The following C12orf42 variants were observed in gnomAD, a reference collection of about 807,000 sequenced individuals.
The protein encoded by C12orf42 is uncharacterized protein C12orf42.
C12orf42 carries 25 observed loss-of-function variants against 21.6 expected under a neutral mutation model. The observed-to-expected ratio is 1.16, with a 90% CI of 0.84 to 1.62. C12orf42 has a LOEUF of 1.62. C12orf42 is among the 40% of genes most tolerant of loss of function. The probability of loss-of-function intolerance (pLI) is 0.00; values close to 1 mark genes in which losing one functional copy is unlikely to be tolerated. For missense variants in C12orf42, 483 were observed against 459.3 expected (o/e 1.05, Z -0.47); for synonymous variants, 174 against 175.0 (o/e 0.99, Z 0.05).
intron 10 of C12orf42, among the ~76,000 whole-genome samples, chr12:103,259,896 T>C (rs1373998199): frequency 1.3e-5 from 2 of 152,210 alleles, no homozygotes; most frequent in Non-Finnish European, 2.9e-5. Context: ...TCGTTTAATG[T>C]CTGGCACATT....
chr12:103,435,223 A>G (rs1950598149), intron 2 of C12orf42, among the ~76,000 whole-genome samples: 6 of 152,168 alleles, frequency 3.9e-5, no homozygotes, highest in Admixed American at 3.9e-4. Context: ...ACAAACAGAA[A>G]GGACATCCAC....
chr12:103,275,263 T>G (rs530753820), intron 5 of C12orf42, among the ~76,000 whole-genome samples: 4 of 152,204 alleles, frequency 2.6e-5, no homozygotes, highest in South Asian at 2.1e-4. Context: ...GTTGATAGAA[T>G]TAGTAAAAAA....
At chr12:103,252,998 G>A (rs2034385778) in intron 10 of C12orf42, among the ~76,000 whole-genome samples, 1 of 152,032 alleles carries the variant, frequency 6.6e-6, no homozygotes, top group East Asian at 1.9e-4. Context: ...TGTAAGGAAG[G>A]GGTCCAGTTT....
intron 4 of C12orf42, among the ~76,000 whole-genome samples, chr12:103,279,979 A>G (rs1430378699): frequency 6.6e-6 from 1 of 152,212 alleles, no homozygotes. Flanking sequence ...TGATCAGGAA[A>G]CATTTATTGA....
At chr12:103,498,497 A>G (rs1955630030), upstream of C12orf42, among the ~76,000 whole-genome samples, 1 of 152,214 alleles carries the variant, frequency 6.6e-6, no homozygotes, top group African/African-American at 2.4e-5. Context: ...AAGGAAGAAA[A>G]TCTCCCCACT....
chr12:103,172,643 C>T, the C12orf42 span, among the ~76,000 whole-genome samples: 1 of 152,062 alleles, frequency 6.6e-6, no homozygotes, highest in East Asian at 1.9e-4. Flanking sequence ...TGTGGCAACC[C>T]CACAAAGTCC....
chr12:103,553,245 AC>A, the C12orf42 span, among the ~76,000 whole-genome samples: 5 of 152,064 alleles, frequency 3.3e-5, no homozygotes, highest in Admixed American at 2.0e-4. Flanking sequence ...GAGAGCAAAA[AC>A]CACCCCTGGT....
intron 4 of C12orf42, among the ~76,000 whole-genome samples, chr12:103,358,566 CCAGTAAATGG>C (rs2043791065): frequency 6.6e-6 from 1 of 151,844 alleles, no homozygotes; most frequent in East Asian, 1.9e-4. Flanking sequence ...ATTCTCCAAC[CCAGTAAATGG>C]CAGTACCATC....
intron 4 of C12orf42, among the ~76,000 whole-genome samples, chr12:103,344,123 C>G (rs968940777): frequency 3.3e-5 from 5 of 152,182 alleles, no homozygotes; most frequent in African/African-American, 1.2e-4. Flanking sequence ...CCTCCTACAG[C>G]TGTGCAAAAT....
At chr12:103,320,992 G>A (rs1367073336) in intron 4 of C12orf42, among the ~76,000 whole-genome samples, 1 of 152,142 alleles carries the variant, frequency 6.6e-6, no homozygotes, top group Non-Finnish European at 1.5e-5. Flanking sequence ...CTCTGTGAGT[G>A]TTCTATAGTT....
At chr12:103,216,464 G>A in the C12orf42 span, among the ~76,000 whole-genome samples, 7 of 150,946 alleles carry the variant, frequency 4.6e-5, no homozygotes, top group African/African-American at 1.2e-4. Flanking sequence ...TCCACCTCCC[G>A]GGTTCACGCC....
chr12:103,095,366 G>T, the C12orf42 span, among the ~76,000 whole-genome samples: 998 of 152,262 alleles, frequency 6.6e-3, 13 homozygotes, highest in African/African-American at 0.023. Flanking sequence ...CTCCTTGGTA[G>T]CTCTGATCCC....
intron 10 of C12orf42, among the ~76,000 whole-genome samples, chr12:103,257,440 A>G (rs1211020667): frequency 6.6e-6 from 1 of 152,212 alleles, no homozygotes; most frequent in African/African-American, 2.4e-5. Context: ...AGTTATACCC[A>G]CAAAACAAAA....
rs189902427 is a variant in C12orf42 at position 103,485,381 on chromosome 12, A to G, written c.-21-6934T>C. 1.4e-3 allele frequency among the ~76,000 whole-genome samples: 219 copies of G among 152,178 alleles called. 1 individual carries two copies. Among genetic ancestry groups the G allele is most frequent in the African/African-American group, 5.1e-3 (210 of 41,496 alleles). On this transcript the variant is annotated intron_variant, in intron 1 of 5. Coordinates refer to ENST00000548883, the MANE Select transcript of C12orf42 (RefSeq NM_198521.5). The stretch of plus-strand genomic sequence containing the variant: ...GCTGTTTTGGTTACTGTAGCCTTGT[A>G]GTTTAGTTTGAAGTTAGGTAGTGTG...
downstream of C12orf42, among the ~76,000 whole-genome samples, chr12:103,237,391 G>A (rs535518886): frequency 2.0e-5 from 3 of 152,264 alleles, no homozygotes; most frequent in African/African-American, 7.2e-5. Flanking sequence ...CAGTCAGTTA[G>A]AATCCCAGCT....
At chr12:103,494,632 G>T (rs1467806414) in intron 1 of C12orf42, among the ~76,000 whole-genome samples, 2 of 151,936 alleles carry the variant, frequency 1.3e-5, no homozygotes, top group Non-Finnish European at 2.9e-5. Context: ...AAGACACCAC[G>T]GCAGTGTCTT....
chr12:103,225,525 A>G, the C12orf42 span, among the ~76,000 whole-genome samples: 1 of 151,910 alleles, frequency 6.6e-6, no homozygotes, highest in South Asian at 2.1e-4. Context: ...TTTGTGGGTT[A>G]AGGTGGGGGG....
the C12orf42 span, among the ~76,000 whole-genome samples, chr12:103,528,772 A>G: frequency 6.6e-6 from 1 of 152,200 alleles, no homozygotes; most frequent in Non-Finnish European, 1.5e-5. Context: ...AGTTTCCAGT[A>G]TTCCTTTATA....
At chr12:103,482,930 T>C (rs1033744516) in intron 1 of C12orf42, among the ~76,000 whole-genome samples, 5 of 152,220 alleles carry the variant, frequency 3.3e-5, no homozygotes, top group African/African-American at 9.6e-5. Flanking sequence ...TAAATATATT[T>C]CTATAAGTTT....
Sources: gnomAD v4.1 joint callset for allele counts (sites outside exome capture counted in the v4.1 genomes callset) on GRCh38, gnomAD v4.1.1 for gene constraint, MANE v1.5 for transcripts, NCBI Gene and HGNC (gene_info 2026-07-23, HGNC 2026-07-21) for gene names.